Variants in REDIC1 observed in about 807,000 individuals in gnomAD.
REDIC1 encodes regulator of DNA class I crossover intermediates 1, also known as HEI10 Interacting Protein 1.
At chr12:39,901,386 C>T in the REDIC1 span, among the ~76,000 whole-genome samples, 4 of 150,152 alleles carry the variant, frequency 2.7e-5, no homozygotes. Flanking sequence ...AAAGAAACTA[C>T]CATCAGAGTG....
At chr12:39,788,529 T>C in the REDIC1 span, 3 of 152,162 alleles carry the variant, frequency 2.0e-5, no homozygotes, top group Admixed American at 2.0e-4. Context: ...ATTTAAAACT[T>C]ATAATTGTTT....
At chr12:39,713,979 G>A in the REDIC1 span, among the ~76,000 whole-genome samples, 27 of 146,386 alleles carry the variant, frequency 1.8e-4, no homozygotes, top group Admixed American at 1.3e-3. Context: ...GTGCATATAC[G>A]TATATATACA....
At chr12:39,850,388 T>C in the REDIC1 span, among the ~76,000 whole-genome samples, 1 of 152,210 alleles carries the variant, frequency 6.6e-6, no homozygotes, top group East Asian at 1.9e-4. Flanking sequence ...GCAGTTGAAC[T>C]GAGCCATGGC....
the REDIC1 span, among the ~76,000 whole-genome samples, chr12:39,712,415 TATAC>T: frequency 1.5e-5 from 2 of 133,526 alleles, no homozygotes; most frequent in African/African-American, 2.7e-5. Flanking sequence ...TACATACGTA[TATAC>T]ATACGTATAT....
the REDIC1 span, among the ~76,000 whole-genome samples, chr12:39,818,093 A>G: frequency 6.6e-6 from 1 of 152,210 alleles, no homozygotes; most frequent in African/African-American, 2.4e-5. Flanking sequence ...ACTGCCAGAG[A>G]GCCCCCTTGG....
At chr12:39,713,299 C>T in the REDIC1 span, among the ~76,000 whole-genome samples, 8,118 of 18,518 alleles carry the variant, frequency 0.44, 913 homozygotes, top group African/African-American at 0.52. Flanking sequence ...TATATGTGTA[C>T]ACACACATAC....
At chr12:39,795,186 C>T in the REDIC1 span, among the ~76,000 whole-genome samples, 10 of 152,048 alleles carry the variant, frequency 6.6e-5, no homozygotes, top group African/African-American at 2.2e-4. Flanking sequence ...ATCTTGATCT[C>T]CCCCCACCTC....
chr12:39,700,815 A>G, the REDIC1 span, among the ~76,000 whole-genome samples: 2 of 152,092 alleles, frequency 1.3e-5, no homozygotes, highest in Non-Finnish European at 2.9e-5. Flanking sequence ...TTCAACCCAG[A>G]ATTTCATATC....
At chr12:39,653,520 TC>T in the REDIC1 span, among the ~76,000 whole-genome samples, 1 of 57,144 alleles carries the variant, frequency 1.7e-5, no homozygotes, top group African/African-American at 5.1e-5. Flanking sequence ...TTCTTCTTCT[TC>T]TTCTTCTTCT....
chr12:39,731,831 C>CTTTTTTTTTTTTTTTTTTTTTTT, the REDIC1 span, among the ~76,000 whole-genome samples: 1 of 144,268 alleles, frequency 6.9e-6, no homozygotes. Context: ...TGCTGCCTTT[C>CTTTTTTTTTTTTTTTTTTTTTTT]TTTTTTTTTT....
At chr12:39,852,434 C>T in the REDIC1 span, among the ~76,000 whole-genome samples, 1 of 152,200 alleles carries the variant, frequency 6.6e-6, no homozygotes, top group Non-Finnish European at 1.5e-5. Context: ...CAAGAAATTA[C>T]TGGTTTGCTT....
the REDIC1 span, among the ~76,000 whole-genome samples, chr12:39,691,493 C>A: frequency 6.6e-6 from 1 of 151,950 alleles, no homozygotes; most frequent in Non-Finnish European, 1.5e-5. Context: ...AAATTGAAAT[C>A]AACTAAAAAG....
the REDIC1 span, among the ~76,000 whole-genome samples, chr12:39,681,489 A>T: frequency 6.6e-6 from 1 of 152,226 alleles, no homozygotes; most frequent in Non-Finnish European, 1.5e-5. Flanking sequence ...AAAAAGATTT[A>T]CATTTATAGT....
chr12:39,666,158 A>G, the REDIC1 span, among the ~76,000 whole-genome samples: 1 of 152,178 alleles, frequency 6.6e-6, no homozygotes, highest in Non-Finnish European at 1.5e-5. Flanking sequence ...TTTGAAGGGA[A>G]TGCTTTCAGT....
the REDIC1 span, among the ~76,000 whole-genome samples, chr12:39,837,216 G>C: frequency 6.6e-5 from 10 of 150,688 alleles, no homozygotes; most frequent in Non-Finnish European, 1.5e-4. Context: ...CTTTGAGAAA[G>C]CTGAGAAAAA....
the REDIC1 span, among the ~76,000 whole-genome samples, chr12:39,633,055 T>A: frequency 6.6e-6 from 1 of 151,986 alleles, no homozygotes; most frequent in South Asian, 2.1e-4. Context: ...ACTGGAACAT[T>A]TTTTACTTTA....
the REDIC1 span, chr12:39,643,941 G>T: frequency 1.3e-6 from 2 of 1,485,334 alleles, no homozygotes; most frequent in Non-Finnish European, 1.8e-6. Flanking sequence ...ATTGCATTCT[G>T]TTTTGAACTT....
chr12:39,646,468 T>A, the REDIC1 span: 1 of 1,553,750 alleles, frequency 6.4e-7, no homozygotes, highest in Admixed American at 1.9e-5. Context: ...CCAAGTAGGT[T>A]TTAGCTAGGA....
the REDIC1 span, among the ~76,000 whole-genome samples, chr12:39,628,282 C>T: frequency 2.0e-5 from 3 of 151,816 alleles, no homozygotes; most frequent in African/African-American, 7.3e-5. Context: ...GGGTAAAGCC[C>T]CAGATTGGTA....
Sources: gnomAD v4.1 joint callset for allele counts (sites outside exome capture counted in the v4.1 genomes callset) on GRCh38, gnomAD v4.1.1 for gene constraint, MANE v1.5 for transcripts, NCBI Gene and HGNC (gene_info 2026-07-23, HGNC 2026-07-21) for gene names.